SV2B: variants seen among roughly 807,000 people sequenced by gnomAD.
SV2B encodes the protein solute carrier family 22 member B2.
SV2B carries 41 observed loss-of-function variants against 73.9 expected under a neutral mutation model. The ratio of observed to expected loss-of-function variants is 0.56; its 90% CI spans 0.43 to 0.72. SV2B has a LOEUF of 0.72. Among genes scored for constraint, SV2B ranks in the 30% least tolerant of loss-of-function variants. The pLI is 0.00. For synonymous variants in SV2B, 314 were observed against 314.2 expected, an observed-to-expected ratio of 1.00 and a Z score of 0.01; for missense variants, 764 against 857.8, an observed-to-expected ratio of 0.89 and a Z score of 1.37.
chr15:91,169,983 G>A (rs1054255542), intron 1 of SV2B, among the ~76,000 whole-genome samples: 15 of 152,186 alleles, frequency 9.9e-5, no homozygotes, highest in African/African-American at 3.1e-4. Flanking sequence ...ATTACTTTCC[G>A]ATGGTTGAAG....
rs1297185017 is a variant in SV2B at position 91,289,126 on chromosome 15, C to G, written c.1709-395C>G. 6.6e-6 allele frequency among the ~76,000 whole-genome samples: 1 copy of G among 152,188 alleles called. No homozygotes were observed. The highest frequency in any genetic ancestry group is 1.9e-4 in the East Asian group (1 of 5,204). On this transcript the variant is annotated intron_variant, in intron 11 of 12. Transcript: ENST00000394232. This position sits in a 1 kb window ranked among gnomAD's most constrained non-coding sequence, Gnocchi z 4.9. ...ACAGATCTCTTTGACATCCTGGTTT[C>G]AAATCAAGACTGAGGTTTTTGTTTT...
intron 1 of SV2B, among the ~76,000 whole-genome samples, chr15:91,157,019 G>A (rs528129361): frequency 6.6e-6 from 1 of 152,296 alleles, no homozygotes; most frequent in African/African-American, 2.4e-5. Context: ...AGCTGCATTT[G>A]ACTCCCAGCT....
In SV2B at chr15:91,283,414, G is replaced by A. The variant is rs1299594938; in HGVS notation, c.1508-607G>A. Among the ~76,000 whole-genome samples, 2 of 151,944 alleles carry A rather than the reference G, an allele frequency of 1.3e-5. No homozygotes were observed. The highest frequency in any genetic ancestry group is 2.9e-5 in the Non-Finnish European group (2 of 68,002). ...CAGTGTCACCTGATTGGTACAAACA[G>A]GACTGTTATCCAGCTGGAGAGATGA... is the stretch of plus-strand genomic sequence containing the variant. On this transcript the variant is annotated intron_variant, in intron 10 of 12. Transcript: ENST00000394232. This position sits in a 1 kb window ranked among gnomAD's most constrained non-coding sequence, Gnocchi z 4.3.
chr15:91,257,440 C>A (rs1205442349), intron 4 of SV2B, among the ~76,000 whole-genome samples: 1 of 152,144 alleles, frequency 6.6e-6, no homozygotes, highest in Non-Finnish European at 1.5e-5. Context: ...TGAGGATATT[C>A]AAAACAATGC....
Position 91,293,712 on chromosome 15 carries a change from T to C in SV2B, c.*1160T>C, listed in dbSNP as rs1164862430. 6.6e-6 allele frequency: 1 copy of C among 152,210 alleles called. No homozygotes were observed. The highest frequency in any genetic ancestry group is 2.4e-5 in the African/African-American group (1 of 41,448). 9.4% of individuals were successfully genotyped at this position (152,210 alleles called of 1,614,324 possible). A position where few individuals can be genotyped will look rare whatever the true frequency, so the allele number is the denominator to read the frequency against. ...TGTAAATACTTTTTGTTTGTTCTAGTGGTAAAATGCAAATGCAATCCATAT... is the reference window on the plus strand; with the variant it reads ...TGTAAATACTTTTTGTTTGTTCTAGCGGTAAAATGCAAATGCAATCCATAT... On this transcript the variant is annotated 3_prime_UTR_variant, in exon 13 of 13. Transcript: ENST00000394232.
At chr15:91,250,651 A>C (rs764298839) in intron 2 of SV2B, among the ~76,000 whole-genome samples, 3 of 152,216 alleles carry the variant, frequency 2.0e-5, no homozygotes, top group East Asian at 3.8e-4. Context: ...AAAAATAGTA[A>C]TGTTTCTATA....
chr15:91,169,960 C>T (rs188989800), intron 1 of SV2B, among the ~76,000 whole-genome samples: 100 of 152,282 alleles, frequency 6.6e-4, no homozygotes, highest in African/African-American at 2.4e-3. Context: ...TTAAAATTGA[C>T]TGAAGAGAAT....
chr15:91,177,491 C>T (rs372061106), intron 1 of SV2B, among the ~76,000 whole-genome samples: 1 of 150,388 alleles, frequency 6.6e-6, no homozygotes, highest in African/African-American at 2.5e-5. Context: ...GCAGTATGGC[C>T]ATTTTCACGA....
At chr15:91,209,271 G>A (rs1394868912) in intron 1 of SV2B, among the ~76,000 whole-genome samples, 1 of 151,988 alleles carries the variant, frequency 6.6e-6, no homozygotes. Flanking sequence ...AGAGGCATGT[G>A]CCACCATGCC....
Position 91,190,593 on chromosome 15 carries a change from C to G in SV2B, c.-391-35280C>G, listed in dbSNP as rs112391915. On this transcript the variant is annotated intron_variant, in intron 1 of 12. Coordinates refer to ENST00000394232, the MANE Select transcript of SV2B (RefSeq NM_001323032.3). ...TATCTTTAAATTTTCATTTTTGTTT[C>G]TTCTTTCTGCCAAAGGCAGAATATT... 3.3e-3 allele frequency among the ~76,000 whole-genome samples: 505 copies of G among 152,124 alleles called. 3 individuals carry two copies. Among genetic ancestry groups the G allele is most frequent in the African/African-American group, 0.012 (495 of 41,534 alleles).
In SV2B at chr15:91,220,534, A is replaced by G. The variant is rs969674400; in HGVS notation, c.-391-5339A>G. On this transcript the variant is annotated intron_variant, in intron 1 of 12. Transcript: ENST00000394232. The surrounding 1 kb of genome is among the most constrained non-coding windows in gnomAD (Gnocchi z 4.1). ...GGAAGCATTACATCATTTGATTGTAATATTTTTAACTTTGTTTTCTGTGAT... is the reference window on the plus strand; with the variant it reads ...GGAAGCATTACATCATTTGATTGTAGTATTTTTAACTTTGTTTTCTGTGAT... Among the ~76,000 whole-genome samples the G allele has an allele frequency of 6.6e-6, 1 of 152,236 alleles. No homozygotes were observed. Among genetic ancestry groups the G allele is most frequent in the Non-Finnish European group, 1.5e-5 (1 of 68,042 alleles).
At position 91,124,619 on chromosome 15, in the gene SV2B, C is replaced by T. The variant is rs1247285170; in HGVS notation, c.-392+24256C>T. 1.3e-5 allele frequency among the ~76,000 whole-genome samples: 2 copies of T among 152,040 alleles called. No homozygotes were observed. The highest frequency in any genetic ancestry group is 1.9e-4 in the East Asian group (1 of 5,196). On this transcript the variant is annotated intron_variant, in intron 1 of 12. Coordinates refer to ENST00000394232, the MANE Select transcript of SV2B (RefSeq NM_001323032.3). The surrounding 1 kb of genome is among the most constrained non-coding windows in gnomAD (Gnocchi z 4.6). ...GCTGCTATAACAAAACACCATGGAA[C>T]GGGTGATCTAAACAACAGAAATTTC...
intron 11 of SV2B, among the ~76,000 whole-genome samples, chr15:91,286,316 A>G (rs2048858766): frequency 6.6e-6 from 1 of 152,166 alleles, no homozygotes; most frequent in African/African-American, 2.4e-5. Context: ...CCCACTAGAA[A>G]ATCTGCAAGC....
At position 91,145,051 on chromosome 15, in the gene SV2B, A is replaced by G. The variant is rs541257439; in HGVS notation, c.-392+44688A>G. ...TCTGTTATACAGGTAAACTTGTATC[A>G]TGGGGGTTGTTGTACAGATTATTTC... On this transcript the variant is annotated intron_variant, in intron 1 of 12. Transcript: ENST00000394232. 3.5e-4 allele frequency among the ~76,000 whole-genome samples: 54 copies of G among 152,232 alleles called. 1 individual carries two copies. The South Asian group carries it at 3.7e-3, about 11-fold the overall frequency.
chr15:91,167,048 C>T lies in SV2B; in HGVS notation c.-391-58825C>T, dbSNP rs192642372. Among the ~76,000 whole-genome samples, 44 of 152,188 alleles carry T rather than the reference C, an allele frequency of 2.9e-4. No homozygotes were observed. The South Asian group carries it at 4.1e-3, about 14-fold the overall frequency. On this transcript the variant is annotated intron_variant, in intron 1 of 12. Transcript: ENST00000394232. Reference sequence around the variant, plus strand: ...CAGGATGGTCTTGATCTCCTGACCTCGTGATCCGCCTGCCTTGGCCTCCCA... The same window carrying T: ...CAGGATGGTCTTGATCTCCTGACCTTGTGATCCGCCTGCCTTGGCCTCCCA...
intron 11 of SV2B, among the ~76,000 whole-genome samples, chr15:91,285,647 C>T (rs1472884038): frequency 6.6e-6 from 1 of 152,178 alleles, no homozygotes; most frequent in African/African-American, 2.4e-5. Flanking sequence ...AAAATAATAC[C>T]TCTGTTTGCC....
At chr15:91,112,042 T>A (rs1194138815) in intron 1 of SV2B, among the ~76,000 whole-genome samples, 4 of 148,110 alleles carry the variant, frequency 2.7e-5, no homozygotes, top group Non-Finnish European at 5.9e-5. Context: ...CATTTCAACA[T>A]GAGATTTGGG....
intron 1 of SV2B, among the ~76,000 whole-genome samples, chr15:91,167,428 G>A (rs2141268486): frequency 6.6e-6 from 1 of 152,244 alleles, no homozygotes; most frequent in Middle Eastern, 3.4e-3. Flanking sequence ...GATGTTGGCA[G>A]GCCTGCATGT....
At chr15:91,194,671 A>G (rs979929505) in intron 1 of SV2B, among the ~76,000 whole-genome samples, 3 of 152,252 alleles carry the variant, frequency 2.0e-5, no homozygotes, top group Non-Finnish European at 4.4e-5. Context: ...GGATGCAGGC[A>G]TGAAGGAGAG....
Sources: gnomAD v4.1 joint callset for allele counts (sites outside exome capture counted in the v4.1 genomes callset) on GRCh38, gnomAD v4.1.1 for gene constraint, Gnocchi (gnomAD v3.1) non-coding constraint, MANE v1.5 for transcripts, NCBI Gene and HGNC (gene_info 2026-07-23, HGNC 2026-07-21) for gene names.